The following SLC24A2 variants were observed in gnomAD, a reference collection of about 807,000 sequenced individuals.
The protein encoded by SLC24A2 is sodium/potassium/calcium exchanger 2.
A neutral mutation model predicts 62.0 loss-of-function variants in SLC24A2; 36 were observed. The observed-to-expected ratio is 0.58, with a 90% CI of 0.44 to 0.77. SLC24A2 has a LOEUF of 0.77. SLC24A2 is among the 30% of genes least tolerant of loss of function. SLC24A2 has a pLI of 0.00. For synonymous variants in SLC24A2, 358 were observed against 294.0 expected (o/e 1.22, Z -2.23); for missense variants, 846 against 817.9 (o/e 1.03, Z -0.42).
the SLC24A2 span, among the ~76,000 whole-genome samples, chr9:20,039,885 T>G: frequency 6.6e-6 from 1 of 152,212 alleles, no homozygotes; most frequent in Non-Finnish European, 1.5e-5. Context: ...TAATATTCCT[T>G]CATTTATTCA....
the SLC24A2 span, among the ~76,000 whole-genome samples, chr9:20,221,381 A>G: frequency 6.6e-6 from 1 of 152,082 alleles, no homozygotes; most frequent in African/African-American, 2.4e-5. Context: ...GGTAAGTTGA[A>G]TTTGAGAAAA....
the SLC24A2 span, among the ~76,000 whole-genome samples, chr9:20,096,487 C>A: frequency 0.14 from 21,299 of 151,960 alleles, 2,248 homozygotes; most frequent in East Asian, 0.58. Flanking sequence ...CTGTATGTTT[C>A]AATTCTGTTA....
At chr9:20,253,289 G>A in the SLC24A2 span, among the ~76,000 whole-genome samples, 1 of 152,142 alleles carries the variant, frequency 6.6e-6, no homozygotes, top group Non-Finnish European at 1.5e-5. Context: ...CTCCAGCCCA[G>A]CATACTTTCC....
the SLC24A2 span, among the ~76,000 whole-genome samples, chr9:20,261,851 T>G: frequency 6.8e-6 from 1 of 146,076 alleles, no homozygotes; most frequent in East Asian, 2.2e-4. Flanking sequence ...GCCATTCTCC[T>G]GCCTCAGCCT....
chr9:19,648,391 C>G (rs1818704024), intron 2 of SLC24A2, among the ~76,000 whole-genome samples: 1 of 152,174 alleles, frequency 6.6e-6, no homozygotes, highest in Non-Finnish European at 1.5e-5. Context: ...CCTAAATCCC[C>G]TGAAATCTAA....
At chr9:19,870,371 G>A in the SLC24A2 span, among the ~76,000 whole-genome samples, 2 of 152,116 alleles carry the variant, frequency 1.3e-5, no homozygotes, top group Non-Finnish European at 2.9e-5. Flanking sequence ...TTTGATGGCT[G>A]AACAATATTC....
chr9:19,757,156 C>A (rs993516308), intron 2 of SLC24A2, among the ~76,000 whole-genome samples: 1 of 152,066 alleles, frequency 6.6e-6, no homozygotes, highest in Non-Finnish European at 1.5e-5. Flanking sequence ...ATTGAAACAA[C>A]TGACTAATCA....
the SLC24A2 span, among the ~76,000 whole-genome samples, chr9:19,983,639 T>A: frequency 2.0e-5 from 3 of 152,006 alleles, no homozygotes; most frequent in South Asian, 6.2e-4. Context: ...TGAGACTCCA[T>A]CTCAAAAGAA....
At chr9:19,805,779 G>GTT in the SLC24A2 span, among the ~76,000 whole-genome samples, 4 of 143,956 alleles carry the variant, frequency 2.8e-5, no homozygotes, top group Non-Finnish European at 6.1e-5. Context: ...TTTTTCCACT[G>GTT]TTAGATTCTG....
chr9:19,940,056 G>A, the SLC24A2 span, among the ~76,000 whole-genome samples: 1 of 152,234 alleles, frequency 6.6e-6, no homozygotes, highest in Non-Finnish European at 1.5e-5. Flanking sequence ...GGGGGTTTGA[G>A]GGGATGCTCC....
the SLC24A2 span, among the ~76,000 whole-genome samples, chr9:20,200,016 A>G: frequency 6.6e-6 from 1 of 151,558 alleles, no homozygotes; most frequent in Admixed American, 6.6e-5. Flanking sequence ...CAGGCGTGAG[A>G]CACCGCGACC....
chr9:20,128,490 T>G, the SLC24A2 span, among the ~76,000 whole-genome samples: 1 of 152,114 alleles, frequency 6.6e-6, no homozygotes, highest in South Asian at 2.1e-4. Context: ...AATTATAATT[T>G]TAACTATTGG....
At chr9:19,635,371 T>C (rs989057553) in intron 2 of SLC24A2, among the ~76,000 whole-genome samples, 2 of 152,236 alleles carry the variant, frequency 1.3e-5, no homozygotes, top group South Asian at 4.1e-4. Flanking sequence ...ATGGTTCTGG[T>C]GGGCATTTTG....
the SLC24A2 span, among the ~76,000 whole-genome samples, chr9:20,297,666 G>C: frequency 0.67 from 102,409 of 152,114 alleles, 35,167 homozygotes; most frequent in Middle Eastern, 0.86. Context: ...TGACTCTGTC[G>C]TGTGACAGCT....
chr9:19,803,168 T>C, the SLC24A2 span, among the ~76,000 whole-genome samples: 2 of 152,210 alleles, frequency 1.3e-5, no homozygotes, highest in Non-Finnish European at 2.9e-5. Flanking sequence ...ACAGGACACA[T>C]TGTGATATAT....
At chr9:19,778,713 G>A (rs1564095959) in intron 2 of SLC24A2, among the ~76,000 whole-genome samples, 1 of 152,134 alleles carries the variant, frequency 6.6e-6, no homozygotes, top group East Asian at 1.9e-4. Flanking sequence ...AATCCTCTCT[G>A]GAGGAATGTA....
chr9:19,597,948 C>T (rs1434955282), intron 4 of SLC24A2, among the ~76,000 whole-genome samples: 1 of 152,136 alleles, frequency 6.6e-6, no homozygotes, highest in Non-Finnish European at 1.5e-5. Flanking sequence ...GCTATGTAAA[C>T]AGCAGGAGGC....
At chr9:19,570,187 T>C (rs919819405) in intron 7 of SLC24A2, among the ~76,000 whole-genome samples, 2 of 152,244 alleles carry the variant, frequency 1.3e-5, no homozygotes, top group Non-Finnish European at 2.9e-5. Context: ...CCAACTTACC[T>C]TTTCTAGTGG....
At position 19,728,049 on chromosome 9, in the gene SLC24A2, G is replaced by A. The variant is rs187421170; in HGVS notation, c.930+57888C>T. ...CAGGCTTCCACTGCTTGCCAGGTAAGGAAGTGGGGACTGGGAGTGGGATTA... is the reference window on the plus strand; with the variant it reads ...CAGGCTTCCACTGCTTGCCAGGTAAAGAAGTGGGGACTGGGAGTGGGATTA... On this transcript the variant is annotated intron_variant, in intron 2 of 10. Coordinates refer to ENST00000341998, the MANE Select transcript of SLC24A2 (RefSeq NM_020344.4). Among the ~76,000 whole-genome samples the A allele has an allele frequency of 2.7e-3, 407 of 152,268 alleles. 1 individual carries two copies. Among genetic ancestry groups the A allele is most frequent in the African/African-American group, 9.5e-3 (393 of 41,566 alleles).
Sources: allele counts gnomAD v4.1 joint callset (sites outside exome capture counted in the v4.1 genomes callset), GRCh38; gene constraint gnomAD v4.1.1; transcripts MANE v1.5; gene names NCBI Gene and HGNC (gene_info 2026-07-23, HGNC 2026-07-21).